Variants in CLVS1 observed in about 807,000 individuals in gnomAD.
CLVS1 encodes clavesin 1.
In CLVS1, 10 loss-of-function variants were observed where a neutral mutation model predicts 33.1. That is an observed-to-expected ratio of 0.30 (90% CI 0.19 to 0.51). The LOEUF (loss-of-function observed/expected upper bound fraction) is 0.51, where lower values mean the gene tolerates loss of function less well. Ranked by LOEUF, CLVS1 falls within the 20% of genes least tolerant of loss-of-function variation. The probability of loss-of-function intolerance (pLI) is 0.97; values close to 1 mark genes in which losing one functional copy is unlikely to be tolerated. For synonymous variants in CLVS1, 163 were observed against 166.1 expected, an observed-to-expected ratio of 0.98 and a Z score of 0.14; for missense variants, 343 against 433.4, an observed-to-expected ratio of 0.79 and a Z score of 1.85.
intron 2 of CLVS1, among the ~76,000 whole-genome samples, chr8:61,194,110 C>T (rs1463937994): frequency 6.6e-6 from 1 of 151,860 alleles, no homozygotes; most frequent in Non-Finnish European, 1.5e-5. Flanking sequence ...AATGAAAATA[C>T]ATGTTTGATT....
At chr8:61,232,040 T>TTTTTG (rs1808453682) in intron 2 of CLVS1, among the ~76,000 whole-genome samples, 1 of 136,368 alleles carries the variant, frequency 7.3e-6, no homozygotes, top group East Asian at 2.2e-4. Flanking sequence ...TTTTTTTTTT[T>TTTTTG]TTTTTTTTTT....
intron 2 of CLVS1, among the ~76,000 whole-genome samples, chr8:61,140,747 TA>T (rs1225614083): frequency 6.6e-6 from 1 of 152,028 alleles, no homozygotes; most frequent in African/African-American, 2.4e-5. Context: ...TTTGTATTTT[TA>T]GTAGAGATGG....
At chr8:61,090,419 T>G (rs1278059683) in intron 1 of CLVS1, among the ~76,000 whole-genome samples, 1 of 152,114 alleles carries the variant, frequency 6.6e-6, no homozygotes, top group African/African-American at 2.4e-5. Context: ...CTGCTTGCAC[T>G]GAACAGGACA....
intron 2 of CLVS1, among the ~76,000 whole-genome samples, chr8:61,253,155 T>TC: frequency 1.3e-5 from 2 of 152,276 alleles, no homozygotes; most frequent in South Asian, 4.1e-4. Flanking sequence ...GTCTGAAAAG[T>TC]ATTTTATTTC....
chr8:61,334,743 T>C (rs887948348), intron 2 of CLVS1, among the ~76,000 whole-genome samples: 7 of 152,156 alleles, frequency 4.6e-5, no homozygotes, highest in Admixed American at 3.3e-4. Flanking sequence ...TCTTAATGGA[T>C]GGCTGGGATC....
At chr8:61,215,108 C>A (rs1808056805) in intron 2 of CLVS1, among the ~76,000 whole-genome samples, 1 of 152,080 alleles carries the variant, frequency 6.6e-6, no homozygotes, top group East Asian at 1.9e-4. Context: ...CCAACCCTAA[C>A]CACTTATCTT....
chr8:61,191,214 G>A (rs920732633), intron 2 of CLVS1, among the ~76,000 whole-genome samples: 6 of 152,172 alleles, frequency 3.9e-5, no homozygotes, highest in Admixed American at 6.6e-5. Context: ...TGCAAGGCTG[G>A]TTCAACATAT....
At position 61,406,797 on chromosome 8, in the gene CLVS1, T is replaced by C. The variant is rs368398450; in HGVS notation, c.630+30018T>C. On this transcript the variant is annotated intron_variant, in intron 3 of 5. Coordinates refer to ENST00000325897, the MANE Select transcript of CLVS1 (RefSeq NM_173519.3). ...TAATTTTTTGTATTTTTAGTAGAGA[T>C]GGGGTTTCACTGTGTTGCCCAGGCT... Among the ~76,000 whole-genome samples the C allele has an allele frequency of 5.1e-3, 770 of 152,184 alleles. 3 individuals carry two copies. Among genetic ancestry groups the C allele is most frequent in the African/African-American group, 0.018 (742 of 41,510 alleles).
chr8:61,378,305 A>C (rs1585885752), intron 3 of CLVS1: 1 of 152,086 alleles, frequency 6.6e-6, no homozygotes, highest in African/African-American at 2.4e-5. Context: ...CTATGATCCA[A>C]TTTTTCTCCC....
At chr8:61,300,605 A>G (rs1810391406) in intron 2 of CLVS1, 1 of 208,208 alleles carries the variant, frequency 4.8e-6, no homozygotes, top group South Asian at 1.5e-4. Context: ...TTTAATAAGA[A>G]AACAAAAATG....
At chr8:61,487,572 C>T (rs1171223788) in intron 5 of CLVS1, among the ~76,000 whole-genome samples, 1 of 152,182 alleles carries the variant, frequency 6.6e-6, no homozygotes, top group African/African-American at 2.4e-5. Context: ...GCTTAAACTA[C>T]TATTTTGGAT....
intron 2 of CLVS1, among the ~76,000 whole-genome samples, chr8:61,281,654 A>C (rs909017849): frequency 6.6e-6 from 1 of 152,176 alleles, no homozygotes; most frequent in Admixed American, 6.5e-5. Context: ...TAGTACAGAG[A>C]GTGCCCTTCC....
intron 2 of CLVS1, among the ~76,000 whole-genome samples, chr8:61,354,602 G>A (rs2129599314): frequency 6.6e-6 from 1 of 151,942 alleles, no homozygotes; most frequent in East Asian, 1.9e-4. Flanking sequence ...CAGGTAAAAT[G>A]GCTAAAAAAA....
intron 3 of CLVS1, among the ~76,000 whole-genome samples, chr8:61,393,176 C>T (rs893176620): frequency 6.6e-6 from 1 of 152,120 alleles, no homozygotes; most frequent in Non-Finnish European, 1.5e-5. Context: ...GCCACCACAC[C>T]CGGCTGAATT....
intron 1 of CLVS1, among the ~76,000 whole-genome samples, chr8:61,076,412 C>A (rs1209702632): frequency 6.6e-6 from 1 of 152,210 alleles, no homozygotes; most frequent in Non-Finnish European, 1.5e-5. Context: ...GCTAAGATCA[C>A]AGCACGTGTT....
rs1217287345 is a variant in CLVS1 at position 61,468,735 on chromosome 8, A to AAAAAAAAAAAAAG, written c.977+10197_977+10198insAAAAAAAAGAAAA. On this transcript the variant is annotated intron_variant, in intron 5 of 5. Coordinates refer to ENST00000325897, the MANE Select transcript of CLVS1 (RefSeq NM_173519.3). ...AAGTACTAAAAAAAAAAAAAAAAAA[A>AAAAAAAAAAAAAG]AAAAGGTAGTTACTATGTGCTATTT... Among the ~76,000 whole-genome samples the AAAAAAAAAAAAAG allele has an allele frequency of 8.5e-4, 118 of 138,732 alleles. 1 individual carries two copies. Among genetic ancestry groups the AAAAAAAAAAAAAG allele is most frequent in the African/African-American group, 3.2e-3 (104 of 32,660 alleles). 91.0% of individuals were successfully genotyped at this position (138,732 alleles called of 152,430 possible). A position where few individuals can be genotyped will look rare whatever the true frequency, so the allele number is the denominator to read the frequency against.
intron 2 of CLVS1, among the ~76,000 whole-genome samples, chr8:61,348,083 A>G (rs918461458): frequency 2.0e-5 from 3 of 151,942 alleles, no homozygotes; most frequent in African/African-American, 7.3e-5. Context: ...GAAACTGAAA[A>G]TTTGAATCCT....
At chr8:60,999,300 T>G in the CLVS1 span, among the ~76,000 whole-genome samples, 2 of 152,118 alleles carry the variant, frequency 1.3e-5, no homozygotes, top group Admixed American at 1.3e-4. Flanking sequence ...TGGGTAAAGC[T>G]GAACTGAGCA....
chr8:61,273,854 G>T (rs531148172), intron 2 of CLVS1: 31 of 154,872 alleles, frequency 2.0e-4, no homozygotes, highest in African/African-American at 5.3e-4. Context: ...TTCGGGTCGC[G>T]CACGGTGCGC....
Sources: allele counts gnomAD v4.1 joint callset (sites outside exome capture counted in the v4.1 genomes callset), GRCh38; gene constraint gnomAD v4.1.1; transcripts MANE v1.5; gene names NCBI Gene and HGNC (gene_info 2026-07-23, HGNC 2026-07-21).